Variants in UST observed in about 807,000 individuals in gnomAD.
UST encodes uronyl 2-sulfotransferase.
UST carries 21 observed loss-of-function variants against 45.6 expected under a neutral mutation model. That is an observed-to-expected ratio of 0.46 (90% confidence interval 0.33 to 0.66). UST has a LOEUF of 0.66. Ranked by LOEUF, UST falls within the 30% of genes least tolerant of loss-of-function variation. UST has a pLI of 0.02. For synonymous variants in UST, 215 were observed against 200.6 expected, an observed-to-expected ratio of 1.07 and a Z score of -0.61; for missense variants, 463 against 512.4, an observed-to-expected ratio of 0.90 and a Z score of 0.93.
intron 7 of UST, among the ~76,000 whole-genome samples, chr6:149,032,891 AT>A (rs1463129666): frequency 6.6e-6 from 1 of 151,976 alleles, no homozygotes; most frequent in African/African-American, 2.4e-5. Context: ...TTGGAGGTGA[AT>A]TTTTTTCTAC....
At chr6:149,004,065 T>C (rs2486388) in intron 5 of UST, among the ~76,000 whole-genome samples, 43,291 of 152,006 alleles carry the variant, frequency 0.28, 6,292 homozygotes, top group Middle Eastern at 0.35. Context: ...ACTTAGAAAA[T>C]AGATCATAGT....
intron 1 of UST, among the ~76,000 whole-genome samples, chr6:148,884,885 A>G (rs1422514552): frequency 1.3e-5 from 2 of 152,194 alleles, no homozygotes; most frequent in African/African-American, 4.8e-5. Flanking sequence ...GGGGAAAAAC[A>G]TGGATCAAGA....
chr6:148,779,717 G>A lies in UST; in HGVS notation c.247+32040G>A, dbSNP rs971685644. On this transcript the variant is annotated intron_variant, in intron 1 of 7. Coordinates refer to ENST00000367463, the MANE Select transcript of UST (RefSeq NM_005715.3). The stretch of plus-strand genomic sequence containing the variant: ...TATTAGTATAGCTTTGAGAGAAAAG[G>A]ACATTTTTGGTCAAATAAGTTTACA... Among the ~76,000 whole-genome samples the A allele has an allele frequency of 5.2e-4, 79 of 152,208 alleles. 1 individual carries two copies. Among genetic ancestry groups the A allele is most frequent in the Non-Finnish European group, 1.5e-5 (1 of 68,032 alleles).
chr6:148,813,709 G>A (rs987890691), intron 1 of UST, among the ~76,000 whole-genome samples: 2 of 152,086 alleles, frequency 1.3e-5, no homozygotes, highest in Admixed American at 6.6e-5. Flanking sequence ...CAAGAAACTT[G>A]ACCATTACGA....
intron 1 of UST, among the ~76,000 whole-genome samples, chr6:148,767,960 G>A (rs1199128444): frequency 6.6e-6 from 1 of 152,024 alleles, no homozygotes; most frequent in Non-Finnish European, 1.5e-5. Context: ...TGTGGTTGTA[G>A]GTAAGGTTGT....
intron 2 of UST, among the ~76,000 whole-genome samples, chr6:148,921,942 C>T (rs984192909): frequency 6.6e-6 from 1 of 152,162 alleles, no homozygotes; most frequent in African/African-American, 2.4e-5. Context: ...CTCAAACACC[C>T]AGCATCATCA....
chr6:148,843,190 C>A (rs73001117), intron 1 of UST, among the ~76,000 whole-genome samples: 1,600 of 152,292 alleles, frequency 0.011, 21 homozygotes, highest in Admixed American at 0.021. Flanking sequence ...AGTCCACATC[C>A]CCTTCTGAAT....
chr6:148,878,319 CG>C (rs1468421393), intron 1 of UST, among the ~76,000 whole-genome samples: 1 of 15,104 alleles, frequency 6.6e-5, no homozygotes. Context: ...TGTATGAGTG[CG>C]GGGATCGTGT....
At chr6:149,060,000 T>A (rs915597213) in intron 7 of UST, among the ~76,000 whole-genome samples, 2 of 152,198 alleles carry the variant, frequency 1.3e-5, no homozygotes, top group African/African-American at 4.8e-5. Context: ...TACTTTCTCT[T>A]CCTGGTTCCT....
intron 1 of UST, among the ~76,000 whole-genome samples, chr6:148,799,136 C>T (rs939539772): frequency 1.3e-5 from 2 of 152,114 alleles, no homozygotes; most frequent in African/African-American, 2.4e-5. Flanking sequence ...TCCCAAAGTG[C>T]TGGGATTACA....
chr6:149,014,180 G>T (rs1279516584), intron 5 of UST, among the ~76,000 whole-genome samples: 1 of 152,200 alleles, frequency 6.6e-6, no homozygotes. Context: ...GGCCTCCAGC[G>T]CAGTGTCTCA....
chr6:148,941,810 C>G (rs1281686756), intron 3 of UST, among the ~76,000 whole-genome samples: 4 of 152,146 alleles, frequency 2.6e-5, no homozygotes, highest in Non-Finnish European at 5.9e-5. Context: ...TCTTCATTTT[C>G]TCACCAATGT....
intron 7 of UST, among the ~76,000 whole-genome samples, chr6:149,048,059 A>G (rs889416585): frequency 2.0e-5 from 3 of 152,184 alleles, no homozygotes; most frequent in Admixed American, 1.3e-4. Flanking sequence ...AGTTAGCTAA[A>G]TGTTTAGGGA....
At chr6:148,866,055 A>G (rs1464868765) in intron 1 of UST, among the ~76,000 whole-genome samples, 3 of 151,968 alleles carry the variant, frequency 2.0e-5, no homozygotes, top group South Asian at 2.1e-4. Flanking sequence ...ACAAATACAT[A>G]TACATATTGG....
intron 1 of UST, among the ~76,000 whole-genome samples, chr6:148,854,050 C>T (rs747327042): frequency 7.9e-5 from 12 of 152,116 alleles, no homozygotes; most frequent in Non-Finnish European, 1.8e-4. Flanking sequence ...TAGCTAGTGT[C>T]GGGTAGTTGA....
intron 1 of UST, among the ~76,000 whole-genome samples, chr6:148,834,648 T>C (rs112473953): frequency 1.8e-3 from 277 of 152,184 alleles, no homozygotes; most frequent in African/African-American, 6.4e-3. Context: ...GGTGGGAGGA[T>C]TGCTTGAGCC....
chr6:148,865,698 GTGTGTGTGTGTGTGT>G (rs1582862387), intron 1 of UST, among the ~76,000 whole-genome samples: 6 of 147,886 alleles, frequency 4.1e-5, no homozygotes, highest in East Asian at 3.9e-4. Context: ...GTGTGTGTGT[GTGTGTGTGTGTGTGT>G]GAATTCAGAG....
intron 1 of UST, among the ~76,000 whole-genome samples, chr6:148,884,432 G>A (rs973402497): frequency 6.6e-6 from 1 of 152,098 alleles, no homozygotes; most frequent in Non-Finnish European, 1.5e-5. Flanking sequence ...ATTCAGAGTG[G>A]GCATCTATAA....
chr6:148,870,830 C>A (rs1778535937), intron 1 of UST, among the ~76,000 whole-genome samples: 1 of 152,170 alleles, frequency 6.6e-6, no homozygotes, highest in Non-Finnish European at 1.5e-5. Context: ...TTCTCACATA[C>A]ATCACTCTGT....
Sources: gnomAD v4.1 joint callset for allele counts (sites outside exome capture counted in the v4.1 genomes callset) on GRCh38, gnomAD v4.1.1 for gene constraint, MANE v1.5 for transcripts, NCBI Gene and HGNC (gene_info 2026-07-23, HGNC 2026-07-21) for gene names.